PACRG: variants seen among roughly 807,000 people sequenced by gnomAD.
The protein encoded by PACRG is parkin coregulated gene protein.
Under a neutral mutation model 29.7 loss-of-function variants are expected in PACRG, and 29 were observed. The observed-to-expected ratio is 0.98, with a 90% CI of 0.73 to 1.33. The LOEUF (loss-of-function observed/expected upper bound fraction) is 1.33, where lower values mean the gene tolerates loss of function less well. PACRG is among the 40% of genes most tolerant of loss of function. The pLI, the probability that PACRG is intolerant of heterozygous loss-of-function variation, is 0.00. For synonymous variants in PACRG, 116 were observed against 118.7 expected (o/e 0.98, Z 0.15); for missense variants, 279 against 316.2 (o/e 0.88, Z 0.89).
chr6:162,980,790 T>G (rs1802346921), intron 2 of PACRG, among the ~76,000 whole-genome samples: 1 of 152,196 alleles, frequency 6.6e-6, no homozygotes, highest in Non-Finnish European at 1.5e-5. Flanking sequence ...TCTCATTAAA[T>G]TTATCTGTAA....
intron 4 of PACRG, among the ~76,000 whole-genome samples, chr6:163,120,257 G>A (rs1384049203): frequency 6.6e-6 from 1 of 152,140 alleles, no homozygotes; most frequent in East Asian, 1.9e-4. Flanking sequence ...AACTCCTGCT[G>A]GCCTTCCAGA....
At chr6:162,729,111 T>C (rs1470352958) in intron 1 of PACRG, among the ~76,000 whole-genome samples, 2 of 152,218 alleles carry the variant, frequency 1.3e-5, no homozygotes, top group Non-Finnish European at 2.9e-5. Context: ...TAAAAATATA[T>C]ACAAATATTT....
chr6:163,295,226 C>T (rs1163991521), intron 4 of PACRG, among the ~76,000 whole-genome samples: 1 of 152,118 alleles, frequency 6.6e-6, no homozygotes, highest in African/African-American at 2.4e-5. Flanking sequence ...GGCTACGTGC[C>T]TATTTTTAAA....
At chr6:163,233,201 C>G (rs1411138292) in intron 4 of PACRG, among the ~76,000 whole-genome samples, 1 of 152,216 alleles carries the variant, frequency 6.6e-6, no homozygotes, top group African/African-American at 2.4e-5. Context: ...TTTTTCTCAC[C>G]TACTTTCATG....
At chr6:163,144,819 C>T (rs1020253307) in intron 4 of PACRG, among the ~76,000 whole-genome samples, 2 of 152,272 alleles carry the variant, frequency 1.3e-5, no homozygotes, top group South Asian at 2.1e-4. Flanking sequence ...CTCTGCATCC[C>T]TTTGATTTGG....
At chr6:162,774,835 G>A (rs1783514498) in intron 1 of PACRG, among the ~76,000 whole-genome samples, 2 of 152,078 alleles carry the variant, frequency 1.3e-5, no homozygotes, top group African/African-American at 4.8e-5. Flanking sequence ...ACATCAGAAT[G>A]TAATATTTTA....
chr6:162,858,007 T>C (rs1791548426), intron 2 of PACRG, among the ~76,000 whole-genome samples: 1 of 152,206 alleles, frequency 6.6e-6, no homozygotes, highest in Non-Finnish European at 1.5e-5. Flanking sequence ...TGTAAAACAT[T>C]AACTATTAAT....
intron 4 of PACRG, among the ~76,000 whole-genome samples, chr6:163,306,911 C>T (rs1785214535): frequency 6.6e-6 from 1 of 152,168 alleles, no homozygotes; most frequent in Non-Finnish European, 1.5e-5. Context: ...AGTCTTTATT[C>T]AGAGGCAGTA....
At chr6:163,062,048 A>G in intron 2 of PACRG, 102 bp from the exon 3 acceptor site, 5 of 1,186,106 alleles carry the variant, frequency 4.2e-6, no homozygotes, top group Non-Finnish European at 6.0e-6. Flanking sequence ...TGAAGTTCTA[A>G]AGAGCGTGCC....
intron 1 of PACRG, among the ~76,000 whole-genome samples, chr6:162,774,338 TCAAAATGTTTAGC>T (rs1783475504): frequency 2.6e-5 from 4 of 152,282 alleles, no homozygotes; most frequent in Admixed American, 2.0e-4. Context: ...GTAGGGAAAA[TCAAAATGTTTAGC>T]CAAAAAGCAT....
chr6:162,921,079 C>G (rs1170722262), intron 2 of PACRG, among the ~76,000 whole-genome samples: 16 of 152,180 alleles, frequency 1.1e-4, no homozygotes, highest in African/African-American at 3.6e-4. Flanking sequence ...ATTAGCTGAA[C>G]TACAAACCAA....
chr6:162,767,547 A>AT lies in PACRG; in HGVS notation c.156+39164dup, dbSNP rs1420365645. On this transcript the variant is annotated intron_variant, in intron 1 of 4. Coordinates refer to ENST00000366888, the MANE Select transcript of PACRG (RefSeq NM_001080379.2). ...TTAGGTGTTTTTTTTTGTTTTTGTG[A>AT]TTTTTTTTGGTGGCTGTCTTAAAAA... Among the ~76,000 whole-genome samples the AT allele has an allele frequency of 1.8e-4, 26 of 147,172 alleles. No homozygotes were observed. The East Asian group carries it at 3.6e-3, about 20-fold the overall frequency.
intron 3 of PACRG, among the ~76,000 whole-genome samples, chr6:163,066,303 T>C (rs574041995): frequency 1.6e-4 from 25 of 152,264 alleles, no homozygotes; most frequent in African/African-American, 5.5e-4. Flanking sequence ...TGGGCGTGAT[T>C]TTACCCCGGT....
chr6:163,021,490 G>GA (rs1294528563), intron 2 of PACRG, among the ~76,000 whole-genome samples: 3 of 152,086 alleles, frequency 2.0e-5, no homozygotes, highest in Non-Finnish European at 4.4e-5. Context: ...TCCTAACTGA[G>GA]CAATGCTGGG....
chr6:162,765,073 T>C (rs1782677106), intron 1 of PACRG, among the ~76,000 whole-genome samples: 1 of 151,998 alleles, frequency 6.6e-6, no homozygotes, highest in Non-Finnish European at 1.5e-5. Context: ...TTTATATTCA[T>C]ATATACATAC....
chr6:163,149,265 G>C (rs1241866766), intron 4 of PACRG, among the ~76,000 whole-genome samples: 6 of 152,038 alleles, frequency 3.9e-5, no homozygotes, highest in Non-Finnish European at 8.8e-5. Flanking sequence ...GGCGCTGGCC[G>C]CTTCCCAGGC....
At chr6:162,842,726 G>T (rs1414887623) in intron 2 of PACRG, among the ~76,000 whole-genome samples, 2 of 127,766 alleles carry the variant, frequency 1.6e-5, no homozygotes, top group African/African-American at 3.5e-5. Flanking sequence ...ATTTTGCAGC[G>T]GCTGGTACCA....
At chr6:162,740,587 G>A (rs1225252766) in intron 1 of PACRG, among the ~76,000 whole-genome samples, 1 of 140,552 alleles carries the variant, frequency 7.1e-6, no homozygotes, top group African/African-American at 2.7e-5. Context: ...AAAGTGCTGG[G>A]ATTACAGGCA....
chr6:163,098,298 G>A (rs899660997), intron 4 of PACRG, among the ~76,000 whole-genome samples: 2 of 152,160 alleles, frequency 1.3e-5, no homozygotes, highest in African/African-American at 4.8e-5. Flanking sequence ...GTGATCTGAA[G>A]CCTGCTTCTC....
Sources: allele counts gnomAD v4.1 joint callset (sites outside exome capture counted in the v4.1 genomes callset), GRCh38; gene constraint gnomAD v4.1.1; transcripts MANE v1.5; gene names NCBI Gene and HGNC (gene_info 2026-07-23, HGNC 2026-07-21).